The following SCN7A variants were observed in gnomAD, a reference collection of about 807,000 sequenced individuals.
SCN7A encodes the protein sodium channel protein type 7 subunit alpha.
A neutral mutation model predicts 155.2 loss-of-function variants in SCN7A; 138 were observed. That is an observed-to-expected ratio of 0.89 (90% CI 0.77 to 1.02). The LOEUF (loss-of-function observed/expected upper bound fraction) is 1.02, where lower values mean the gene tolerates loss of function less well. Ranked by LOEUF, SCN7A falls within the 50% of genes least tolerant of loss-of-function variation. SCN7A has a pLI of 0.00. For synonymous variants in SCN7A, 693 were observed against 649.0 expected, an observed-to-expected ratio of 1.07 and a Z score of -1.03; for missense variants, 2,058 against 1,986.6, an observed-to-expected ratio of 1.04 and a Z score of -0.68.
At position 166,444,807 on chromosome 2, in the gene SCN7A, A is replaced by C; in HGVS notation, c.1581T>G (p.Tyr527Ter). The change falls in exon 13 of 26, where the codon TAT (tyrosine) becomes TAG (stop). Residue 527 changes from tyrosine (Y) to a stop codon, truncating the protein, a stop_gained. Transcript: ENST00000643258. LOFTEE classifies it high-confidence loss of function. ...LNVCFLTLEH[Y>*]PMSKQTNTLL... is the part of the protein sequence containing the mutation. The stretch of plus-strand genomic sequence containing the variant: ...GAGTGTTAGTTTGTTTACTCATTGG[A>C]TAATGCTCCAAGGTCAGAAAACATA... 6.2e-7 allele frequency: 1 copy of C among 1,605,626 alleles called. No individual in the cohort carries two copies. The highest frequency in any genetic ancestry group is 8.5e-7 in the Non-Finnish European group (1 of 1,174,888).
intron 10 of SCN7A, among the ~76,000 whole-genome samples, chr2:166,457,410 C>A (rs910896256): frequency 1.3e-5 from 2 of 152,148 alleles, no homozygotes; most frequent in African/African-American, 4.8e-5. Context: ...AGAAACTGGA[C>A]AGCCTCAACA....
intron 3 of SCN7A, 106 bp downstream of exon 3, chr2:166,477,357 T>G (rs2105513367): frequency 2.6e-6 from 2 of 772,404 alleles, no homozygotes; most frequent in Non-Finnish European, 4.0e-6. Flanking sequence ...ATCAGATCTT[T>G]CCCTGTTTTT....
At chr2:166,465,352 G>A in intron 9 of SCN7A, 110 bp downstream of exon 9, 2 of 783,428 alleles carry the variant, frequency 2.6e-6, no homozygotes, top group Non-Finnish European at 4.2e-6. Flanking sequence ...TTTTGATGAT[G>A]AAATGAGATA....
intron 9 of SCN7A, among the ~76,000 whole-genome samples, chr2:166,464,137 C>A (rs909689281): frequency 6.7e-6 from 1 of 148,940 alleles, no homozygotes; most frequent in African/African-American, 2.5e-5. Context: ...CGTATATATA[C>A]GAATATATAC....
rs971034231 is a variant in SCN7A at position 166,410,469 on chromosome 2, CAT to C, written c.3607-147_3607-146del. On this transcript the variant is annotated intron_variant, in intron 23 of 25. Coordinates refer to ENST00000643258, the MANE Select transcript of SCN7A (RefSeq NM_002976.4). ...TGCAGTGAATGAAATCATGTTTGAA[CAT>C]GTCTGACTTTCTGCCCAAAAATCCA... 1.7e-4 allele frequency: 100 copies of C among 589,640 alleles called. No homozygotes were observed. In the African/African-American group the frequency reaches 1.8e-3, roughly 11 times the overall value. 36.5% of individuals were successfully genotyped at this position (589,640 alleles called of 1,614,324 possible). A position where few individuals can be genotyped will look rare whatever the true frequency, so the allele number is the denominator to read the frequency against.
At chr2:166,449,585 C>T (rs1382749579) in intron 11 of SCN7A, among the ~76,000 whole-genome samples, 2 of 152,136 alleles carry the variant, frequency 1.3e-5, no homozygotes, top group Non-Finnish European at 2.9e-5. Flanking sequence ...CAGCGACAGA[C>T]TCTGCAGGTC....
intron 12 of SCN7A, 144 bp from the exon 13 acceptor site, chr2:166,445,144 T>C (rs1299580622): frequency 6.7e-6 from 4 of 597,234 alleles, no homozygotes; most frequent in Admixed American, 3.0e-5. Flanking sequence ...AGTGAAACTT[T>C]GTCTCTACAA....
chr2:166,432,659 C>A lies in SCN7A; in HGVS notation c.2251G>T (p.Ala751Ser). ...ENNEAKNLQL[A>S]VARIKKGINY... ...ATTCCTTTTTTAATTCTTGCCACTG[C>A]AAGCTGGAGATTTTTTGCTTCATTA... The change falls in exon 16 of 26, where the codon GCA (alanine) becomes TCA (serine). Residue 751 changes from alanine to serine, a missense_variant. Physicochemically the swap from Ala to Ser is moderately conservative, Grantham distance 99. Transcript: ENST00000643258. 2.5e-6 allele frequency: 4 copies of A among 1,608,316 alleles called. No homozygotes were observed. The highest frequency in any genetic ancestry group is 3.4e-6 in the Non-Finnish European group (4 of 1,178,366).
At chr2:166,468,437 A>G (rs1432175962) in intron 7 of SCN7A, among the ~76,000 whole-genome samples, 1 of 152,060 alleles carries the variant, frequency 6.6e-6, no homozygotes, top group African/African-American at 2.4e-5. Context: ...AAATAAAATC[A>G]TTAAATTTTT....
chr2:166,406,036 C>G lies in SCN7A; in HGVS notation c.4593G>C (p.Gln1531His). 1.2e-6 allele frequency: 2 copies of G among 1,612,946 alleles called. No homozygotes were observed. Among genetic ancestry groups the G allele is most frequent in the Non-Finnish European group, 1.7e-6 (2 of 1,179,368 alleles). Residue 1531 changes from glutamine (Q) to histidine (H), a missense_variant, in exon 26 of 26, where the codon CAG (glutamine) becomes CAC (histidine). Transcript: ENST00000643258. ...VWKRFDPDRT[Q>H]YIDSSKLSDF... ...CTGAAAGCTTGCTAGAGTCTATGTA[C>G]TGGGTCCTATCAGGATCAAACCTTT...
At position 166,456,999 on chromosome 2, in the gene SCN7A, ACTTG is replaced by A. The variant is rs1337091575; in HGVS notation, c.1157_1160del (p.Ala386ValfsTer4). On this transcript the variant is annotated frameshift_variant, in exon 11 of 26. Transcript: ENST00000643258. LOFTEE classifies it high-confidence loss of function. ...CCATGGCAAGTATGCCTAAGAACAA[ACTTG>A]CCATATAAAAGGAAAACAAAAAACT... 1 of 1,610,728 alleles carries A rather than the reference ACTTG, an allele frequency of 6.2e-7. No homozygotes were observed. Among genetic ancestry groups the A allele is most frequent in the African/African-American group, 1.3e-5 (1 of 74,852 alleles).
At chr2:166,416,286 C>T (rs1701374653) in intron 21 of SCN7A, among the ~76,000 whole-genome samples, 1 of 152,140 alleles carries the variant, frequency 6.6e-6, no homozygotes, top group Admixed American at 6.6e-5. Context: ...CCTGTTTCCT[C>T]AGAAGCATGT....
chr2:166,465,428 A>C (rs757791682), intron 9 of SCN7A, 34 bp downstream of exon 9: 2 of 1,417,500 alleles, frequency 1.4e-6, no homozygotes, highest in Non-Finnish European at 2.0e-6. Context: ...GACAGGTGAT[A>C]ATGATTTAAT....
rs150038538 is a variant in SCN7A at position 166,467,485 on chromosome 2, T to TTATATA, written c.665-1504_665-1499dup. ...TATATATATGTGTTTTTATATATGTTTATATATATATATATACACACACAC... is the reference window on the plus strand; with the variant it reads ...TATATATATGTGTTTTTATATATGTTTATATATATATATATATATATACACACACAC... On this transcript the variant is annotated intron_variant, in intron 7 of 25. Coordinates refer to ENST00000643258, the MANE Select transcript of SCN7A (RefSeq NM_002976.4). Among the ~76,000 whole-genome samples the TTATATA allele has an allele frequency of 8.3e-5, 12 of 144,418 alleles. 1 individual carries two copies. The highest frequency in any genetic ancestry group is 2.1e-4 in the Admixed American group (3 of 14,406). The allele number at this position is 144,418 out of a possible 152,430, so 94.7% of individuals were successfully genotyped here. A position where few individuals can be genotyped will look rare whatever the true frequency, so the allele number is the denominator to read the frequency against.
At position 166,472,317 on chromosome 2, in the gene SCN7A, T is replaced by G; in HGVS notation, c.572A>C (p.Glu191Ala). ...AGACTCAATTTAAAGAAATACTCAC[T>G]CAAACACAGTTACGCTGAAATCGAG... ...NWLDFSVTVF[E>A]VIIRYSPLDF... The change falls in exon 6 of 26, where the codon GAG becomes GCG. Residue 191 changes from glutamate to alanine, a missense_variant and splice_region_variant. Coordinates refer to ENST00000643258, the MANE Select transcript of SCN7A (RefSeq NM_002976.4). The G allele has an allele frequency of 6.3e-7, 1 of 1,596,640 alleles. No individual in the cohort carries two copies. The highest frequency in any genetic ancestry group is 8.5e-7 in the Non-Finnish European group (1 of 1,173,032).
chr2:166,405,898 G>T lies in SCN7A; in HGVS notation c.4731C>A (p.Ile1577=), dbSNP rs781244691. 1 of 1,613,128 alleles carries T rather than the reference G, an allele frequency of 6.2e-7. No individual in the cohort carries two copies. Among genetic ancestry groups the T allele is most frequent in the East Asian group, 2.2e-5 (1 of 44,840 alleles). ...TAACTCTCTTTGTAAAAGCAAGTAA[G>T]ATATCGAGGCAATGAATTCTGTCCC... ...AVGDRIHCLD[I]LLAFTKRVMG... is the part of the protein sequence containing the mutation. Residue 1577 remains isoleucine, a synonymous_variant, in exon 26 of 26, where the codon ATC becomes ATA. Transcript: ENST00000643258.
chr2:166,461,048 C>CTTTTTTTT (rs34717897), intron 10 of SCN7A, among the ~76,000 whole-genome samples: 2 of 96,702 alleles, frequency 2.1e-5, no homozygotes, highest in Non-Finnish European at 3.9e-5. Context: ...GTAATATTTT[C>CTTTTTTTT]TTTTTTTTTT....
Position 166,447,201 on chromosome 2 carries a change from A to T in SCN7A, c.1387+411T>A, listed in dbSNP as rs1054893566. On this transcript the variant is annotated intron_variant, in intron 12 of 25. Coordinates refer to ENST00000643258, the MANE Select transcript of SCN7A (RefSeq NM_002976.4). ...ACAAATATGGAACATAGTTGAGAAC[A>T]TTGTGACTTACAATGTCTAGATATA... Among the ~76,000 whole-genome samples the T allele has an allele frequency of 4.6e-5, 7 of 152,306 alleles. No individual in the cohort carries two copies. The East Asian group carries it at 5.8e-4, about 13-fold the overall frequency.
intron 18 of SCN7A, among the ~76,000 whole-genome samples, chr2:166,424,905 G>C (rs1701589456): frequency 6.6e-6 from 1 of 151,822 alleles, no homozygotes; most frequent in African/African-American, 2.4e-5. Context: ...TCCCTTACTG[G>C]CATACCTAAC....
Sources: allele counts gnomAD v4.1 joint callset (sites outside exome capture counted in the v4.1 genomes callset), GRCh38; gene constraint gnomAD v4.1.1; transcripts MANE v1.5; gene names NCBI Gene and HGNC (gene_info 2026-07-23, HGNC 2026-07-21).